Variants in HEPHL1 observed in about 807,000 individuals in gnomAD.
The protein encoded by HEPHL1 is ferroxidase HEPHL1.
In HEPHL1, 123 loss-of-function variants were observed where a neutral mutation model predicts 122.0. The ratio of observed to expected loss-of-function variants is 1.01; its 90% CI spans 0.87 to 1.17. The LOEUF (loss-of-function observed/expected upper bound fraction) is 1.17. Ranked by LOEUF, HEPHL1 falls within the 50% of genes most tolerant of loss-of-function variation. The pLI is 0.00. For synonymous variants in HEPHL1, 527 were observed against 508.9 expected, an observed-to-expected ratio of 1.04 and a Z score of -0.48; for missense variants, 1,452 against 1,430.5, an observed-to-expected ratio of 1.01 and a Z score of -0.24.
chr11:94,055,232 C>A, intron 2 of HEPHL1: 2 of 267,160 alleles, frequency 7.5e-6, no homozygotes, highest in South Asian at 8.9e-5. Context: ...TTCTGCTGCT[C>A]AGATTTTCCA....
chr11:94,099,598 C>G (rs1946350312), intron 13 of HEPHL1, among the ~76,000 whole-genome samples: 1 of 152,212 alleles, frequency 6.6e-6, no homozygotes, highest in Non-Finnish European at 1.5e-5. Context: ...TCGGCTATGC[C>G]TTGCCCCCAG....
At chr11:94,092,929 C>G (rs1389184977) in intron 12 of HEPHL1, among the ~76,000 whole-genome samples, 1 of 152,032 alleles carries the variant, frequency 6.6e-6, no homozygotes, top group African/African-American at 2.4e-5. Context: ...TAGAACATAA[C>G]TAGGGTGAAT....
rs1275362219 is a variant in HEPHL1 at position 94,104,627 on chromosome 11, T to A, written c.2782T>A (p.Leu928Met). 6 of 1,613,830 alleles carry A rather than the reference T, an allele frequency of 3.7e-6. No homozygotes were observed. The South Asian group carries it at 5.5e-5, about 15-fold the overall frequency. The change falls in exon 16 of 20, where the codon TTG becomes ATG. Residue 928 changes from leucine to methionine, a missense_variant. Physicochemically the swap from Leu to Met is conservative, Grantham distance 15. Coordinates refer to ENST00000315765, the MANE Select transcript of HEPHL1 (RefSeq NM_001098672.2). ...RSDVDYEFAL[L>M]FLVFNENESW... Reference sequence around the variant, plus strand: ...TGACGTTGATTATGAATTTGCTCTCTTGTTTTTGGTATTTAATGAGAATGA... The same window carrying A: ...TGACGTTGATTATGAATTTGCTCTCATGTTTTTGGTATTTAATGAGAATGA...
chr11:94,103,027 T>G lies in HEPHL1; in HGVS notation c.2682+7T>G, dbSNP rs750408199. On this transcript the variant is annotated splice_region_variant and intron_variant, in intron 15 of 19. Transcript: ENST00000315765. ...AACAGTAAACTTTGTGAAGGTAAGG[T>G]GGAGAAAGCAACCAAAAGGCTTAAA... 6.7e-7 allele frequency: 1 copy of G among 1,497,802 alleles called. No homozygotes were observed. The highest frequency in any genetic ancestry group is 1.4e-5 in the African/African-American group (1 of 72,582). The allele number at this position is 1,497,802 out of a possible 1,614,324, so 92.8% of individuals were successfully genotyped here.
intron 9 of HEPHL1, among the ~76,000 whole-genome samples, chr11:94,077,198 T>C (rs182259300): frequency 1.3e-3 from 191 of 152,282 alleles, no homozygotes; most frequent in African/African-American, 4.5e-3. Context: ...TAAAATTATC[T>C]GAGTCAGAAA....
At chr11:94,046,091 C>CTTTTTTTCTTTTTTT (rs1945834385) in intron 2 of HEPHL1, among the ~76,000 whole-genome samples, 174 bp downstream of exon 2, 1 of 65,048 alleles carries the variant, frequency 1.5e-5, no homozygotes, top group African/African-American at 6.4e-5. Context: ...CCCTTTCTTG[C>CTTTTTTTCTTTTTTT]TTTTTTTTTT....
At chr11:94,081,845 G>T (rs1946172901) in intron 9 of HEPHL1, among the ~76,000 whole-genome samples, 1 of 152,112 alleles carries the variant, frequency 6.6e-6, no homozygotes, top group African/African-American at 2.4e-5. Context: ...AATAAAATAG[G>T]GTAAAGTGAG....
At position 94,064,446 on chromosome 11, in the gene HEPHL1, C is replaced by A. The variant is rs1382704091; in HGVS notation, c.744C>A (p.Phe248Leu). 1.2e-6 allele frequency: 2 copies of A among 1,613,040 alleles called. No individual in the cohort carries two copies. Among genetic ancestry groups the A allele is most frequent in the Non-Finnish European group, 1.7e-6 (2 of 1,179,262 alleles). ...SWYLNENIKHFCTNPDSVDKK... is the reference protein window; with the variant it reads ...SWYLNENIKHLCTNPDSVDKK... ...ACCTCAATGAAAATATCAAACATTT[C>A]TGCACCAACCCTGATTCAGTTGACA... The change falls in exon 4 of 20, where the codon TTC (phenylalanine) becomes TTA (leucine). Residue 248 changes from phenylalanine to leucine, a missense_variant. Physicochemically the swap from Phe to Leu is conservative, Grantham distance 22. Coordinates refer to ENST00000315765, the MANE Select transcript of HEPHL1 (RefSeq NM_001098672.2).
At chr11:94,043,964 G>A (rs1382773487) in intron 1 of HEPHL1, among the ~76,000 whole-genome samples, 1 of 151,852 alleles carries the variant, frequency 6.6e-6, no homozygotes, top group South Asian at 2.1e-4. Context: ...ATAAATGCAC[G>A]GACACTTGCA....
chr11:94,109,628 T>G (rs933112321), intron 17 of HEPHL1, among the ~76,000 whole-genome samples: 1 of 152,192 alleles, frequency 6.6e-6, no homozygotes, highest in Non-Finnish European at 1.5e-5. Flanking sequence ...CTTTAATCTG[T>G]TGCTGAATTA....
chr11:94,047,996 C>T lies in HEPHL1; in HGVS notation c.415+2079C>T, dbSNP rs141751517. Among the ~76,000 whole-genome samples, 91 of 152,168 alleles carry T rather than the reference C, an allele frequency of 6.0e-4. 1 individual carries two copies. Among genetic ancestry groups the T allele is most frequent in the African/African-American group, 2.1e-3 (86 of 41,504 alleles). Reference sequence around the variant, plus strand: ...CCACAACCTTTTCATCATCCCAAACCGAAACTATATAGCCATTAATCAATA... The same window carrying T: ...CCACAACCTTTTCATCATCCCAAACTGAAACTATATAGCCATTAATCAATA... On this transcript the variant is annotated intron_variant, in intron 2 of 19. Transcript: ENST00000315765.
intron 6 of HEPHL1, 119 bp downstream of exon 6, chr11:94,070,661 C>T: frequency 1.3e-6 from 1 of 758,826 alleles, no homozygotes; most frequent in Non-Finnish European, 2.1e-6. Flanking sequence ...GCATAGATGG[C>T]ATAATGTAGC....
At chr11:94,102,727 C>G (rs534181556) in intron 14 of HEPHL1, among the ~76,000 whole-genome samples, 187 bp from the exon 15 acceptor site, 1 of 152,182 alleles carries the variant, frequency 6.6e-6, no homozygotes, top group Non-Finnish European at 1.5e-5. Context: ...AATGACAAAT[C>G]TGCCATTTCA....
intron 12 of HEPHL1, 89 bp downstream of exon 12, chr11:94,089,057 G>A: frequency 8.4e-7 from 1 of 1,194,088 alleles, no homozygotes; most frequent in Non-Finnish European, 1.2e-6. Flanking sequence ...CAAATTCCCA[G>A]GTTGTGTCTC....
Position 94,042,875 on chromosome 11 carries a change from T to TAAAAAAA in HEPHL1, c.171-2786_171-2780dup, listed in dbSNP as rs58966846. ...ATGTACCCTAAAACTTAAAGTATAATAAAAAAAAAAAAAAAAAACTGCATG... is the reference window on the plus strand; with the variant it reads ...ATGTACCCTAAAACTTAAAGTATAATAAAAAAAAAAAAAAAAAAAAAAAAACTGCATG... On this transcript the variant is annotated intron_variant, in intron 1 of 19. Transcript: ENST00000315765. Among the ~76,000 whole-genome samples, 55 of 63,180 alleles carry TAAAAAAA rather than the reference T, an allele frequency of 8.7e-4. 2 individuals are homozygous for TAAAAAAA. The highest frequency in any genetic ancestry group is 3.5e-3 in the African/African-American group (52 of 14,900). 41.4% of individuals were successfully genotyped at this position (63,180 alleles called of 152,430 possible).
chr11:94,075,383 C>G lies in HEPHL1; in HGVS notation c.1714C>G (p.Gln572Glu). The G allele has an allele frequency of 6.2e-7, 1 of 1,610,858 alleles. No homozygotes were observed. Among genetic ancestry groups the G allele is most frequent in the Non-Finnish European group, 8.5e-7 (1 of 1,178,362 alleles). ...GGGCGTCCTCAATGCTGATGGGACACAGGTAGGCCATTGAGTGTCACCAGT... is the reference window on the plus strand; with the variant it reads ...GGGCGTCCTCAATGCTGATGGGACAGAGGTAGGCCATTGAGTGTCACCAGT... ...KKGVLNADGT[Q>E]KGIDKEFYLL... Residue 572 changes from glutamine (Q) to glutamate (E), a missense_variant and splice_region_variant, in exon 9 of 20, where the codon CAG becomes GAG. By Grantham distance (29) the Gln-to-Glu change is conservative (BLOSUM62 2). Coordinates refer to ENST00000315765, the MANE Select transcript of HEPHL1 (RefSeq NM_001098672.2).
At chr11:94,090,640 A>G (rs1417880952) in intron 12 of HEPHL1, among the ~76,000 whole-genome samples, 5 of 152,250 alleles carry the variant, frequency 3.3e-5, no homozygotes, top group African/African-American at 7.2e-5. Flanking sequence ...AATGCTGTAG[A>G]TAACAATTCA....
intron 12 of HEPHL1, 49 bp from the exon 13 acceptor site, chr11:94,093,452 G>T (rs1448641368): frequency 1.2e-6 from 2 of 1,609,634 alleles, no homozygotes; most frequent in African/African-American, 2.7e-5. Flanking sequence ...AGCGCTCAAA[G>T]CTTTTCTGCT....
intron 12 of HEPHL1, 117 bp from the exon 13 acceptor site, chr11:94,093,384 A>C (rs886682987): frequency 1.2e-5 from 14 of 1,135,240 alleles, no homozygotes; most frequent in Non-Finnish European, 1.7e-5. Context: ...CCCAGGGAGC[A>C]CTTGATCACA....
Sources: allele counts gnomAD v4.1 joint callset (sites outside exome capture counted in the v4.1 genomes callset), GRCh38; gene constraint gnomAD v4.1.1; transcripts MANE v1.5; gene names NCBI Gene and HGNC (gene_info 2026-07-23, HGNC 2026-07-21).